Variants in OOSP4B observed in about 807,000 individuals in gnomAD.
OOSP4B encodes oocyte secreted protein family member 4B.
At chr11:60,021,949 A>G (rs1220263733) in intron 1 of OOSP4B, 1 of 144,386 alleles carries the variant, frequency 6.9e-6, no homozygotes, top group Non-Finnish European at 1.5e-5. Context: ...CTGCCACTGC[A>G]CTCCAGCCTG....
chr11:60,029,834 A>C (rs1327010612), exon 4 of OOSP4B: 4 of 398,402 alleles, frequency 1.0e-5, no homozygotes, highest in Non-Finnish European at 1.8e-5. Context: ...TGATGCCCAC[A>C]CCTTGAAAGA....
chr11:60,023,700 C>T (rs1565049033), intron 1 of OOSP4B, among the ~76,000 whole-genome samples, 180 bp from the exon 2 acceptor site: 1 of 152,204 alleles, frequency 6.6e-6, no homozygotes, highest in Non-Finnish European at 1.5e-5. Context: ...TCCCAGAATG[C>T]TGGGATTACA....
intron 1 of OOSP4B, among the ~76,000 whole-genome samples, chr11:60,023,426 A>G (rs1854713808): frequency 6.6e-6 from 1 of 152,062 alleles, no homozygotes; most frequent in African/African-American, 2.4e-5. Context: ...CTGCTTTTTT[A>G]AATTTTAATT....
intron 3 of OOSP4B, among the ~76,000 whole-genome samples, chr11:60,028,191 C>T (rs1267039268): frequency 1.1e-4 from 17 of 150,044 alleles, no homozygotes; most frequent in Admixed American, 7.3e-4. Flanking sequence ...TTTGAGACGG[C>T]GTCTCACTCT....
At position 60,018,428 on chromosome 11, in the gene OOSP4B, A is replaced by T. The variant is rs568363782; in HGVS notation, c.22+1015A>T. The stretch of plus-strand genomic sequence containing the variant: ...TCTGCAATGTATAGCCAACAACCAC[A>T]AAATCTCTTTGGTTATAATCTCAGT... On this transcript the variant is annotated intron_variant, in intron 1 of 4. Transcript: ENST00000642343. 2.6e-5 allele frequency among the ~76,000 whole-genome samples: 4 copies of T among 152,328 alleles called. No individual in the cohort carries two copies. In the East Asian group the frequency reaches 7.7e-4, roughly 29 times the overall value.
intron 1 of OOSP4B, among the ~76,000 whole-genome samples, chr11:60,020,337 G>T (rs773612078): frequency 6.6e-6 from 1 of 152,152 alleles, no homozygotes; most frequent in African/African-American, 2.4e-5. Flanking sequence ...GGCTCCTGCC[G>T]CTGCAGGAGC....
chr11:60,017,337 C>T (rs768959078), exon 1 of OOSP4B: 59 of 398,474 alleles, frequency 1.5e-4, no homozygotes, highest in Non-Finnish European at 2.4e-4. Flanking sequence ...ACTCAAGGAA[C>T]CCCCAGCTCC....
At chr11:60,018,792 G>A (rs1854652220) in intron 1 of OOSP4B, among the ~76,000 whole-genome samples, 1 of 152,026 alleles carries the variant, frequency 6.6e-6, no homozygotes, top group South Asian at 2.1e-4. Flanking sequence ...TTTGTATGTG[G>A]GTCTTTCTCT....
intron 4 of OOSP4B, among the ~76,000 whole-genome samples, chr11:60,030,473 T>A (rs1854795756): frequency 6.6e-6 from 1 of 152,176 alleles, no homozygotes; most frequent in South Asian, 2.1e-4. Flanking sequence ...AGCCTTGAAG[T>A]TGACATTTCA....
intron 1 of OOSP4B, chr11:60,021,966 AAAGC>A (rs1854694582): frequency 6.8e-6 from 1 of 147,736 alleles, no homozygotes; most frequent in Admixed American, 7.0e-5. Flanking sequence ...CCTGGGTGAC[AAAGC>A]AAGACTCTAT....
At chr11:60,018,380 T>C (rs528493105) in intron 1 of OOSP4B, among the ~76,000 whole-genome samples, 2 of 152,318 alleles carry the variant, frequency 1.3e-5, no homozygotes, top group South Asian at 4.1e-4. Flanking sequence ...TAGTGGATAG[T>C]GGTCAAGAAT....
At chr11:60,023,480 G>T (rs1854714441) in intron 1 of OOSP4B, among the ~76,000 whole-genome samples, 1 of 152,066 alleles carries the variant, frequency 6.6e-6, no homozygotes, top group Non-Finnish European at 1.5e-5. Context: ...TGTTGCCCAG[G>T]CTGGAGTGCA....
At chr11:60,028,037 G>A (rs1389328582) in intron 3 of OOSP4B, among the ~76,000 whole-genome samples, 1 of 151,398 alleles carries the variant, frequency 6.6e-6, no homozygotes, top group African/African-American at 2.4e-5. Context: ...GTGGTGATAA[G>A]TTACATGTCA....
intron 3 of OOSP4B, among the ~76,000 whole-genome samples, chr11:60,029,190 G>A (rs1854778373): frequency 6.6e-6 from 1 of 152,166 alleles, no homozygotes; most frequent in Admixed American, 6.5e-5. Context: ...TCCTGGAACT[G>A]CCTACATGCT....
exon 2 of OOSP4B, chr11:60,023,933 C>T: frequency 2.5e-6 from 1 of 398,446 alleles, no homozygotes; most frequent in Non-Finnish European, 4.4e-6. Flanking sequence ...GAAAATAAGG[C>T]CTTTTGATAA....
intron 3 of OOSP4B, 84 bp downstream of exon 3, chr11:60,025,089 T>C: frequency 2.5e-6 from 1 of 396,470 alleles, no homozygotes. Context: ...GCTATAAAAA[T>C]GCCCTGGAGG....
chr11:60,025,874 C>A (rs1854742589), intron 3 of OOSP4B, among the ~76,000 whole-genome samples: 1 of 152,112 alleles, frequency 6.6e-6, no homozygotes, highest in South Asian at 2.1e-4. Context: ...TATGGGAGTC[C>A]AGTGGTTTCA....
At chr11:60,022,561 G>A (rs944143194) in intron 1 of OOSP4B, among the ~76,000 whole-genome samples, 2 of 152,160 alleles carry the variant, frequency 1.3e-5, no homozygotes, top group African/African-American at 4.8e-5. Flanking sequence ...GGCCAAATAA[G>A]GCTCATTCTA....
At chr11:60,030,591 C>T (rs529099192) in intron 4 of OOSP4B, among the ~76,000 whole-genome samples, 1 of 152,292 alleles carries the variant, frequency 6.6e-6, no homozygotes, top group South Asian at 2.1e-4. Context: ...CTAGCCAACA[C>T]ATAGATGCTA....
Sources: gnomAD v4.1 joint callset for allele counts (sites outside exome capture counted in the v4.1 genomes callset) on GRCh38, gnomAD v4.1.1 for gene constraint, MANE v1.5 for transcripts, NCBI Gene and HGNC (gene_info 2026-07-23, HGNC 2026-07-21) for gene names.